The following TMEM26 variants were observed in gnomAD, a reference collection of about 807,000 sequenced individuals.
The protein encoded by TMEM26 is transmembrane protein 26.
Under a neutral mutation model 28.8 loss-of-function variants are expected in TMEM26, and 38 were observed. The ratio of observed to expected loss-of-function variants is 1.32; its 90% CI spans 1.02 to 1.73. The LOEUF (loss-of-function observed/expected upper bound fraction) is 1.73, where lower values mean the gene tolerates loss of function less well. Among genes scored for constraint, TMEM26 ranks in the 40% most tolerant of loss-of-function variants. The pLI is 0.00. For missense variants in TMEM26, 518 were observed against 447.1 expected, an observed-to-expected ratio of 1.16 and a Z score of -1.43; for synonymous variants, 227 against 182.9, an observed-to-expected ratio of 1.24 and a Z score of -1.95.
chr10:61,432,614 A>G (rs1046445582), intron 2 of TMEM26, among the ~76,000 whole-genome samples: 3 of 152,070 alleles, frequency 2.0e-5, no homozygotes, highest in African/African-American at 7.2e-5. Flanking sequence ...ACCACCACAC[A>G]TCCACGATCA....
At chr10:61,452,761 G>A in intron 1 of TMEM26, 130 bp downstream of exon 1, 2 of 1,206,554 alleles carry the variant, frequency 1.7e-6, no homozygotes, top group African/African-American at 1.5e-5. Context: ...CGCCTTCCAA[G>A]CGATCAGCGA....
At chr10:61,422,838 G>C (rs1427031730) in intron 4 of TMEM26, among the ~76,000 whole-genome samples, 1 of 152,048 alleles carries the variant, frequency 6.6e-6, no homozygotes, top group Admixed American at 6.6e-5. Context: ...AAACCAGTGA[G>C]GTGGAAAACA....
At chr10:61,448,138 C>G (rs1451294253) in intron 1 of TMEM26, among the ~76,000 whole-genome samples, 4 of 152,254 alleles carry the variant, frequency 2.6e-5, no homozygotes, top group African/African-American at 9.6e-5. Flanking sequence ...GAAAACTACT[C>G]AAGGTTGTCT....
At chr10:61,425,041 A>T (rs1208077050) in intron 4 of TMEM26, among the ~76,000 whole-genome samples, 1 of 152,240 alleles carries the variant, frequency 6.6e-6, no homozygotes, top group African/African-American at 2.4e-5. Context: ...TAATTTATAC[A>T]GGAAAAAGAG....
chr10:61,412,554 T>C (rs1305818600), intron 5 of TMEM26, among the ~76,000 whole-genome samples: 1 of 152,112 alleles, frequency 6.6e-6, no homozygotes, highest in East Asian at 1.9e-4. Context: ...TTTCTAGAAT[T>C]TCTTTGGAGT....
intron 4 of TMEM26, among the ~76,000 whole-genome samples, chr10:61,418,935 C>T (rs934353714): frequency 6.6e-6 from 1 of 152,078 alleles, no homozygotes; most frequent in Admixed American, 6.6e-5. Flanking sequence ...GCTATCCACT[C>T]CATGCACAGA....
chr10:61,436,157 CAAAAA>C lies in TMEM26; in HGVS notation c.270+8_270+12del. ...GCTGAATAGGTCAATTCCTACTTTC[CAAAAA>C]GAAGTACCTGGGTCTCATGGTGCAA... On this transcript the variant is annotated splice_region_variant and intron_variant, in intron 2 of 5. Coordinates refer to ENST00000399298, the MANE Select transcript of TMEM26 (RefSeq NM_178505.8). The C allele has an allele frequency of 6.4e-7, 1 of 1,560,902 alleles. No individual in the cohort carries two copies. Among genetic ancestry groups the C allele is most frequent in the East Asian group, 2.3e-5 (1 of 44,428 alleles).
intron 4 of TMEM26, among the ~76,000 whole-genome samples, chr10:61,426,149 A>ATCTGGCTTT (rs1270549817): frequency 2.0e-5 from 3 of 152,244 alleles, no homozygotes; most frequent in Non-Finnish European, 4.4e-5. Flanking sequence ...TCCCAGAAAC[A>ATCTGGCTTT]TTATGTTACA....
chr10:61,448,620 T>G (rs1328839663), intron 1 of TMEM26, among the ~76,000 whole-genome samples: 1 of 89,792 alleles, frequency 1.1e-5, no homozygotes, highest in Admixed American at 1.2e-4. Context: ...TGTTTTTTTG[T>G]TTTTTTTTTT....
At chr10:61,423,061 A>G (rs1159922283) in intron 4 of TMEM26, among the ~76,000 whole-genome samples, 5 of 152,194 alleles carry the variant, frequency 3.3e-5, no homozygotes, top group Non-Finnish European at 7.3e-5. Context: ...TATAGTGAAT[A>G]TTATGGACAA....
At chr10:61,451,384 G>T (rs959115155) in intron 1 of TMEM26, among the ~76,000 whole-genome samples, 1 of 152,134 alleles carries the variant, frequency 6.6e-6, no homozygotes, top group African/African-American at 2.4e-5. Context: ...AAACTCTGGC[G>T]GTTGGTGGCA....
intron 1 of TMEM26, among the ~76,000 whole-genome samples, chr10:61,441,965 C>A (rs185500604): frequency 6.6e-6 from 1 of 152,186 alleles, no homozygotes; most frequent in African/African-American, 2.4e-5. Flanking sequence ...CTCCCAAGTA[C>A]ACAAGCAGGA....
At chr10:61,419,685 A>G (rs1408265382) in intron 4 of TMEM26, among the ~76,000 whole-genome samples, 2 of 152,150 alleles carry the variant, frequency 1.3e-5, no homozygotes, top group African/African-American at 2.4e-5. Flanking sequence ...AGAGCTTCAG[A>G]GACCTGTGGA....
At chr10:61,445,837 C>A (rs745851689) in intron 1 of TMEM26, among the ~76,000 whole-genome samples, 35 of 151,780 alleles carry the variant, frequency 2.3e-4, no homozygotes, top group Non-Finnish European at 4.0e-4. Context: ...ATTTTTCCAC[C>A]GTTGGAAAAA....
intron 1 of TMEM26, among the ~76,000 whole-genome samples, chr10:61,452,448 C>A (rs952776661): frequency 6.6e-6 from 1 of 152,184 alleles, no homozygotes; most frequent in South Asian, 2.1e-4. Context: ...TCAGCTCTTG[C>A]GAAGGTCGCT....
chr10:61,447,560 T>G (rs1424886213), intron 1 of TMEM26, among the ~76,000 whole-genome samples: 1 of 152,204 alleles, frequency 6.6e-6, no homozygotes, highest in Non-Finnish European at 1.5e-5. Context: ...CCAGATAATT[T>G]CTAATACACA....
Position 61,453,070 on chromosome 10 carries a change from C to A in TMEM26, c.12G>T (p.Leu4=), listed in dbSNP as rs371573766. The change falls in exon 1 of 6, where the codon CTG becomes CTT. Residue 4 remains leucine (L), a synonymous_variant. Transcript: ENST00000399298. ...GAGTGGCCAGGGCGTTAAGGAAGAC[C>A]AGTCCCTCCATGCTGGCCGGAGCAC... MEG[L]VFLNALATRL... is the part of the protein sequence containing the mutation. 4.3e-5 allele frequency: 70 copies of A among 1,613,076 alleles called. No individual in the cohort carries two copies. The African/African-American group carries it at 6.8e-4, about 16-fold the overall frequency.
intron 4 of TMEM26, among the ~76,000 whole-genome samples, chr10:61,415,313 A>C (rs1415545497): frequency 6.6e-6 from 1 of 152,252 alleles, no homozygotes; most frequent in East Asian, 1.9e-4. Context: ...AGGTTGCTTC[A>C]CAAGAAATAT....
chr10:61,432,389 A>G (rs1234539726), intron 2 of TMEM26, among the ~76,000 whole-genome samples: 1 of 152,136 alleles, frequency 6.6e-6, no homozygotes, highest in Non-Finnish European at 1.5e-5. Flanking sequence ...CTCCAAGTGA[A>G]TTGTGCATGA....
Sources: allele counts gnomAD v4.1 joint callset (sites outside exome capture counted in the v4.1 genomes callset), GRCh38; gene constraint gnomAD v4.1.1; transcripts MANE v1.5; gene names NCBI Gene and HGNC (gene_info 2026-07-23, HGNC 2026-07-21).